The following PLPPR3 variants were observed in gnomAD, a reference collection of about 807,000 sequenced individuals.
PLPPR3 encodes the protein phospholipid phosphatase-related protein type 3.
A neutral mutation model predicts 27.3 loss-of-function variants in PLPPR3; 14 were observed. That is an observed-to-expected ratio of 0.51 (90% CI 0.34 to 0.80). The LOEUF (loss-of-function observed/expected upper bound fraction) is 0.80, where lower values mean the gene tolerates loss of function less well. Ranked by LOEUF, PLPPR3 falls within the 30% of genes least tolerant of loss-of-function variation. The pLI is 0.01. For missense variants in PLPPR3, 1,287 were observed against 1,056.9 expected (o/e 1.22, Z -3.02); for synonymous variants, 671 against 508.0 (o/e 1.32, Z -4.32).
intron 3 of PLPPR3, 109 bp from the exon 4 acceptor site, chr19:815,436 T>G: frequency 8.1e-7 from 1 of 1,239,814 alleles, no homozygotes. Flanking sequence ...GGTGTGGATG[T>G]TCACCGAGGT....
At position 812,557 on chromosome 19, in the gene PLPPR3, CG is replaced by C. The variant is rs1196951821; in HGVS notation, c.*12del. 1 of 962,234 alleles carries C rather than the reference CG, an allele frequency of 1.0e-6. No individual in the cohort carries two copies. Among genetic ancestry groups the C allele is most frequent in the African/African-American group, 1.8e-5 (1 of 56,120 alleles). The allele number at this position is 962,234 out of a possible 1,614,324, so 59.6% of individuals were successfully genotyped here. Reference sequence around the variant, plus strand: ...CCTCGGCCCGCCCCCCGCCCGCCCCCGGCCCCGCCGCGCTAGTCGGGGAAGC... The same window carrying C: ...CCTCGGCCCGCCCCCCGCCCGCCCCCGCCCCGCCGCGCTAGTCGGGGAAGC... On this transcript the variant is annotated 3_prime_UTR_variant, in exon 8 of 8. Coordinates refer to ENST00000520876, the MANE Select transcript of PLPPR3 (RefSeq NM_001270366.2).
rs1364624027 is a variant in PLPPR3 at position 813,112 on chromosome 19, CCTG to C, written c.1612_1614del (p.Gln538del). 8 of 1,502,240 alleles carry C rather than the reference CCTG, an allele frequency of 5.3e-6. No homozygotes were observed. In the Admixed American group the frequency reaches 1.6e-4, roughly 29 times the overall value. 93.1% of individuals were successfully genotyped at this position (1,502,240 alleles called of 1,614,324 possible). ...CCCGGAGCCTTGGACATGGCGATGA[CCTG>C]CAGCAGCCGCGGAGGGTTGGCCACT... On this transcript the variant is annotated inframe_deletion, in exon 8 of 8. Transcript: ENST00000520876. This position sits in a 1 kb window ranked among gnomAD's most constrained non-coding sequence, Gnocchi z 4.1.
chr19:812,541 G>GGGCCCC lies in PLPPR3; in HGVS notation c.*28_*29insGGGGCC. ...GCGCGGCCGCCCGCGCCCTCGGCCC[G>GGGCCCC]CCCCCCGCCCGCCCCCGGCCCCGCC... is the stretch of plus-strand genomic sequence containing the variant. On this transcript the variant is annotated 3_prime_UTR_variant, in exon 8 of 8. Coordinates refer to ENST00000520876, the MANE Select transcript of PLPPR3 (RefSeq NM_001270366.2). The GGGCCCC allele has an allele frequency of 1.3e-4, 78 of 617,350 alleles. No individual in the cohort carries two copies. Among genetic ancestry groups the GGGCCCC allele is most frequent in the Non-Finnish European group, 1.5e-4 (74 of 496,490 alleles). 38.2% of individuals were successfully genotyped at this position (617,350 alleles called of 1,614,324 possible). A position where few individuals can be genotyped will look rare whatever the true frequency, so the allele number is the denominator to read the frequency against.
At position 815,756 on chromosome 19, in the gene PLPPR3, G is replaced by A. The variant is rs1267148287; in HGVS notation, c.171C>T (p.Arg57=). 9.9e-6 allele frequency: 16 copies of A among 1,612,768 alleles called. No homozygotes were observed. The highest frequency in any genetic ancestry group is 1.4e-5 in the Non-Finnish European group (16 of 1,179,858). ...TCTCCACGTAGGGCATGGAGAGAGT[G>A]CGGTCATAGCACTGGAAGCCCACCT... The part of the protein sequence containing the change: ...PAKVGFQCYD[R]TLSMPYVETN... The change falls in exon 3 of 8, where the codon CGC becomes CGT. Residue 57 remains arginine, a synonymous_variant. Transcript: ENST00000520876.
intron 2 of PLPPR3, among the ~76,000 whole-genome samples, chr19:818,775 C>T (rs1032169493): frequency 3.3e-5 from 5 of 152,004 alleles, no homozygotes; most frequent in African/African-American, 9.7e-5. Flanking sequence ...CCTCATGATC[C>T]GCCCACCTAG....
At chr19:818,628 G>T (rs1481202625) in intron 2 of PLPPR3, among the ~76,000 whole-genome samples, 1 of 151,740 alleles carries the variant, frequency 6.6e-6, no homozygotes, top group African/African-American at 2.4e-5. Context: ...CCACATCCCG[G>T]GTTCACGCCA....
chr19:814,301 C>CA, intron 7 of PLPPR3, 133 bp downstream of exon 7: 1 of 861,936 alleles, frequency 1.2e-6, no homozygotes, highest in Non-Finnish European at 1.7e-6. Flanking sequence ...CCTCCCCTGT[C>CA]AGACCCCCTG....
At chr19:818,863 G>A (rs1189096200) in intron 2 of PLPPR3, among the ~76,000 whole-genome samples, 1 of 151,630 alleles carries the variant, frequency 6.6e-6, no homozygotes, top group Non-Finnish European at 1.5e-5. Context: ...AATTAGCTGG[G>A]GCTCAGGCTA....
upstream of PLPPR3, among the ~76,000 whole-genome samples, chr19:822,188 C>T (rs2035159232): frequency 6.6e-6 from 1 of 151,558 alleles, no homozygotes; most frequent in Non-Finnish European, 1.5e-5. Flanking sequence ...TGGCGGGGCT[C>T]GGGGGTCGCG....
chr19:815,470 G>GCA (rs2035037965), intron 3 of PLPPR3, 143 bp from the exon 4 acceptor site: 2 of 1,018,364 alleles, frequency 2.0e-6, no homozygotes, highest in African/African-American at 6.1e-5. Flanking sequence ...TCCCAGCCGT[G>GCA]GTGCCCACAG....
At chr19:815,149 G>A in intron 4 of PLPPR3, 37 bp downstream of exon 4, 1 of 1,601,584 alleles carries the variant, frequency 6.2e-7, no homozygotes, top group Non-Finnish European at 8.5e-7. Context: ...CCTGCATGTG[G>A]AGGTAGCTCA....
Position 813,164 on chromosome 19 carries a change from C to G in PLPPR3, c.1563G>C (p.Met521Ile). 1 of 1,521,614 alleles carries G rather than the reference C, an allele frequency of 6.6e-7. No individual in the cohort carries two copies. Among genetic ancestry groups the G allele is most frequent in the Non-Finnish European group, 8.7e-7 (1 of 1,145,348 alleles). The allele number at this position is 1,521,614 out of a possible 1,614,324, so 94.3% of individuals were successfully genotyped here. A position where few individuals can be genotyped will look rare whatever the true frequency, so the allele number is the denominator to read the frequency against. The change falls in exon 8 of 8, where the codon ATG becomes ATC. Residue 521 changes from methionine to isoleucine, a missense_variant. Physicochemically the swap from Met to Ile is conservative, Grantham distance 10 (BLOSUM62 1). Transcript: ENST00000520876. The surrounding 1 kb of genome is among the most constrained non-coding windows in gnomAD (Gnocchi z 4.1). ...CTGCCGCCCCGCTCTTCTCGGCCAT[C>G]ATGAGCCACTTGGCGCGCACCCCGG... ...SGAGVRAKWL[M>I]MAEKSGAAVA...
Position 812,724 on chromosome 19 carries a change from G to A in PLPPR3, c.2003C>T (p.Pro668Leu). 9.4e-7 allele frequency: 1 copy of A among 1,061,504 alleles called. No homozygotes were observed. The highest frequency in any genetic ancestry group is 6.4e-5 in the East Asian group (1 of 15,576). 65.8% of individuals were successfully genotyped at this position (1,061,504 alleles called of 1,614,324 possible). Residue 668 changes from proline to leucine, a missense_variant, in exon 8 of 8, where the codon CCC becomes CTC. Pro to Leu is a moderately conservative substitution (Grantham distance 98). Transcript: ENST00000520876. ...CGCCCCATCGGCCGCGCCCAGCGGG[G>A]GCAGCCCCTCGCCCGTGGCCAGGTT... is the stretch of plus-strand genomic sequence containing the variant. ...TVNLATGEGLPPLGAADGALG... is the reference protein window; with the variant it reads ...TVNLATGEGLLPLGAADGALG...
chr19:813,304 G>T lies in PLPPR3; in HGVS notation c.1423C>A (p.Arg475=), dbSNP rs2034975534. 2 of 1,455,010 alleles carry T rather than the reference G, an allele frequency of 1.4e-6. No homozygotes were observed. Among genetic ancestry groups the T allele is most frequent in the African/African-American group, 1.5e-5 (1 of 66,632 alleles). The allele number at this position is 1,455,010 out of a possible 1,614,324, so 90.1% of individuals were successfully genotyped here. ...ATGACCCGAGGCCCCAGCCCCGGCC[G>T]CGCCTGCACGGTGGGGTAGAGCGAG... ...PPSLYPTVQA[R]PGLGPRVILP... Residue 475 remains arginine (R), a synonymous_variant, in exon 8 of 8, where the codon CGG becomes AGG. Transcript: ENST00000520876. The surrounding 1 kb of genome is among the most constrained non-coding windows in gnomAD (Gnocchi z 4.1).
chr19:816,500 C>CTAT (rs2035059362), intron 2 of PLPPR3, among the ~76,000 whole-genome samples: 1 of 129,042 alleles, frequency 7.7e-6, no homozygotes. Context: ...CATTCATTCA[C>CTAT]CCATCCATCC....
Position 812,826 on chromosome 19 carries a change from G to T in PLPPR3, c.1901C>A (p.Pro634His), listed in dbSNP as rs904458645. 1.8e-6 allele frequency: 2 copies of T among 1,113,854 alleles called. No homozygotes were observed. The highest frequency in any genetic ancestry group is 2.2e-6 in the Non-Finnish European group (2 of 911,194). The allele number at this position is 1,113,854 out of a possible 1,614,324, so 69.0% of individuals were successfully genotyped here. Residue 634 changes from proline to histidine, a missense_variant, in exon 8 of 8, where the codon CCC becomes CAC. By Grantham distance (77) the Pro-to-His change is moderately conservative. Coordinates refer to ENST00000520876, the MANE Select transcript of PLPPR3 (RefSeq NM_001270366.2). ...CGACGAGCCGGGGGACACGCCCGGG[G>T]GCTTGGCCCCGCCGCGGAAGCCGCG... ...LARGFRGGAK[P>H]PGVSPGSSVS...
rs2035017061 is a variant in PLPPR3 at position 814,553 on chromosome 19, C to T, written c.712G>A (p.Val238Ile). ...DTTKLLKPILVFAFAIAAGVC... is the reference protein window; with the variant it reads ...DTTKLLKPILIFAFAIAAGVC... Reference sequence around the variant, plus strand: ...CCCGCGGCGATGGCAAAGGCGAAGACCAGGATGGGCTTCAGCAGCTTGGTG... The same window carrying T: ...CCCGCGGCGATGGCAAAGGCGAAGATCAGGATGGGCTTCAGCAGCTTGGTG... The change falls in exon 7 of 8, where the codon GTC becomes ATC. Residue 238 changes from valine to isoleucine, a missense_variant. By Grantham distance (29) the Val-to-Ile change is conservative (BLOSUM62 3). Transcript: ENST00000520876. 7 of 1,612,174 alleles carry T rather than the reference C, an allele frequency of 4.3e-6. No homozygotes were observed. The highest frequency in any genetic ancestry group is 2.2e-5 in the East Asian group (1 of 44,898).
chr19:813,832 CG>C lies in PLPPR3; in HGVS notation c.894del (p.Ala299ProfsTer8). ...PPAEKPAAPA[P>X]AKDALRALTQ... ...GTCAGGGCCCGCAGCGCGTCCTTGG[CG>C]GGGGCCGGGGCCGCGGGCTTCTCTG... is the stretch of plus-strand genomic sequence containing the variant. On this transcript the variant is annotated frameshift_variant, in exon 8 of 8. Transcript: ENST00000520876. LOFTEE classifies it low-confidence loss of function (END_TRUNC). This position sits in a 1 kb window ranked among gnomAD's most constrained non-coding sequence, Gnocchi z 4.1. The C allele has an allele frequency of 6.7e-7, 1 of 1,484,812 alleles. No homozygotes were observed. The highest frequency in any genetic ancestry group is 1.3e-5 in the South Asian group (1 of 76,190). 92.0% of individuals were successfully genotyped at this position (1,484,812 alleles called of 1,614,324 possible).
At position 814,482 on chromosome 19, in the gene PLPPR3, C is replaced by G; in HGVS notation, c.783G>C (p.Val261=). Residue 261 remains valine, a synonymous_variant, in exon 7 of 8, where the codon GTG becomes GTC. Coordinates refer to ENST00000520876, the MANE Select transcript of PLPPR3 (RefSeq NM_001270366.2). ...CGATGAGGAAGCCGGCATACACGTC[C>G]ACAGGGTGGCTGCGGTACTGCGTGA... The part of the protein sequence containing the change: ...TQITQYRSHP[V]DVYAGFLIGA... 1 of 1,609,870 alleles carries G rather than the reference C, an allele frequency of 6.2e-7. No individual in the cohort carries two copies. The highest frequency in any genetic ancestry group is 8.5e-7 in the Non-Finnish European group (1 of 1,179,754).
Sources: gnomAD v4.1 joint callset for allele counts (sites outside exome capture counted in the v4.1 genomes callset) on GRCh38, gnomAD v4.1.1 for gene constraint, Gnocchi (gnomAD v3.1) non-coding constraint, MANE v1.5 for transcripts, NCBI Gene and HGNC (gene_info 2026-07-23, HGNC 2026-07-21) for gene names.